Variants in COG6 observed in about 807,000 individuals in gnomAD.
COG6 encodes the protein component of oligomeric golgi complex 6, also known as conserved oligomeric Golgi complex subunit 6.
A neutral mutation model predicts 88.8 loss-of-function variants in COG6; 74 were observed. That is an observed-to-expected ratio of 0.83 (90% CI 0.69 to 1.01). The LOEUF is 1.01. Ranked by LOEUF, COG6 falls within the 50% of genes least tolerant of loss-of-function variation. The pLI is 0.00. For missense variants in COG6, 800 were observed against 797.9 expected (o/e 1.00, Z -0.03); for synonymous variants, 286 against 278.7 (o/e 1.03, Z -0.26).
chr13:39,662,219 T>A (rs1366263848), intron 3 of COG6, among the ~76,000 whole-genome samples: 1 of 146,486 alleles, frequency 6.8e-6, no homozygotes, highest in Non-Finnish European at 1.5e-5. Context: ...AACTTCCACC[T>A]TCTGAGTTCA....
intron 18 of COG6, among the ~76,000 whole-genome samples, chr13:39,729,731 T>C (rs1416001672): frequency 6.6e-6 from 1 of 152,236 alleles, no homozygotes; most frequent in Non-Finnish European, 1.5e-5. Flanking sequence ...GGAACAGGTC[T>C]GAGAAAGTGG....
intron 13 of COG6, among the ~76,000 whole-genome samples, chr13:39,707,230 G>A (rs1331427649): frequency 6.6e-6 from 1 of 151,386 alleles, no homozygotes; most frequent in Non-Finnish European, 1.5e-5. Context: ...CCGGGTTCAA[G>A]TGATTCTCCT....
At chr13:39,660,907 C>T (rs1436843469) in intron 3 of COG6, 26 bp downstream of exon 3, 2 of 1,378,072 alleles carry the variant, frequency 1.5e-6, no homozygotes, top group Non-Finnish European at 2.1e-6. Context: ...TAGATTTTGG[C>T]ATAGTTCCTG....
chr13:39,731,082 C>A (rs1879422124), intron 18 of COG6, among the ~76,000 whole-genome samples: 1 of 151,998 alleles, frequency 6.6e-6, no homozygotes, highest in East Asian at 2.0e-4. Context: ...CTTGACCTCC[C>A]AAAGTGCTGG....
chr13:39,685,487 C>T (rs571450527), intron 8 of COG6, among the ~76,000 whole-genome samples: 64 of 152,140 alleles, frequency 4.2e-4, no homozygotes, highest in South Asian at 1.0e-3. Flanking sequence ...GTAATTTACC[C>T]CCTATTTAAA....
intron 4 of COG6, among the ~76,000 whole-genome samples, chr13:39,676,790 A>G (rs1412453599): frequency 6.6e-6 from 1 of 152,132 alleles, no homozygotes; most frequent in Non-Finnish European, 1.5e-5. Flanking sequence ...TTTCTGTTCA[A>G]GTAGTTTGTG....
chr13:39,677,319 T>C (rs1473714126), intron 4 of COG6, 149 bp from the exon 5 acceptor site: 2 of 642,918 alleles, frequency 3.1e-6, no homozygotes, highest in East Asian at 5.5e-5. Context: ...AAAATTCTAA[T>C]ATTTGAGGCA....
intron 13 of COG6, among the ~76,000 whole-genome samples, chr13:39,712,336 A>C (rs1405161562): frequency 1.3e-5 from 2 of 152,172 alleles, no homozygotes; most frequent in Non-Finnish European, 2.9e-5. Flanking sequence ...TATAATGCCA[A>C]AATATTCCCT....
intron 13 of COG6, among the ~76,000 whole-genome samples, chr13:39,704,654 C>T (rs1407629124): frequency 6.6e-6 from 1 of 151,996 alleles, no homozygotes; most frequent in Non-Finnish European, 1.5e-5. Flanking sequence ...GTTTAAGGGT[C>T]ATCTGTAATG....
At chr13:39,776,623 A>G (rs989229905) in intron 18 of COG6, among the ~76,000 whole-genome samples, 1 of 152,258 alleles carries the variant, frequency 6.6e-6, no homozygotes, top group Admixed American at 6.5e-5. Context: ...TAAATATTTT[A>G]TGAATGAATC....
intron 13 of COG6, among the ~76,000 whole-genome samples, chr13:39,709,015 G>A (rs1878094158): frequency 6.6e-6 from 1 of 152,058 alleles, no homozygotes; most frequent in Non-Finnish European, 1.5e-5. Context: ...GGCAATATAT[G>A]GCTCAAGGAG....
At chr13:39,745,192 A>G (rs1880274649) in intron 18 of COG6, among the ~76,000 whole-genome samples, 1 of 152,254 alleles carries the variant, frequency 6.6e-6, no homozygotes, top group African/African-American at 2.4e-5. Context: ...CAAGGACTTC[A>G]TGACGAAAAC....
intron 12 of COG6, among the ~76,000 whole-genome samples, chr13:39,696,516 A>T (rs1877282742): frequency 6.6e-6 from 1 of 151,862 alleles, no homozygotes. Context: ...ATCATGGAGA[A>T]GAGTGTCCAG....
intron 18 of COG6, among the ~76,000 whole-genome samples, chr13:39,777,359 A>G (rs1881495170): frequency 6.6e-6 from 1 of 152,192 alleles, no homozygotes; most frequent in African/African-American, 2.4e-5. Flanking sequence ...GAGTTGACCC[A>G]TAACCTGATT....
chr13:39,690,903 A>G (rs1876943340), intron 11 of COG6, among the ~76,000 whole-genome samples: 3 of 151,910 alleles, frequency 2.0e-5, no homozygotes, highest in Admixed American at 6.6e-5. Flanking sequence ...AATGTTGTTT[A>G]TTTTGTATAC....
chr13:39,754,801 A>G (rs1880779821), downstream of COG6, among the ~76,000 whole-genome samples: 1 of 152,200 alleles, frequency 6.6e-6, no homozygotes. Context: ...TGATAGTTAC[A>G]TGTATTGTAA....
intron 18 of COG6, among the ~76,000 whole-genome samples, chr13:39,734,172 G>A (rs1879609079): frequency 1.3e-5 from 2 of 151,780 alleles, no homozygotes; most frequent in East Asian, 1.9e-4. Context: ...TGCTTTTCTA[G>A]TTCTTTAAAA....
At chr13:39,775,228 C>G (rs1368981734) in intron 18 of COG6, among the ~76,000 whole-genome samples, 1 of 151,930 alleles carries the variant, frequency 6.6e-6, no homozygotes, top group Non-Finnish European at 1.5e-5. Flanking sequence ...TAGTTTGTCT[C>G]AGTTTCCTCA....
At chr13:39,754,803 G>A (rs563152342), downstream of COG6, among the ~76,000 whole-genome samples, 23 of 152,242 alleles carry the variant, frequency 1.5e-4, no homozygotes, top group East Asian at 4.4e-3. Context: ...ATAGTTACAT[G>A]TATTGTAAAT....
Sources: gnomAD v4.1 joint callset for allele counts (sites outside exome capture counted in the v4.1 genomes callset) on GRCh38, gnomAD v4.1.1 for gene constraint, MANE v1.5 for transcripts, NCBI Gene and HGNC (gene_info 2026-07-23, HGNC 2026-07-21) for gene names.